The following GSE1 variants were observed in gnomAD, a reference collection of about 807,000 sequenced individuals.
GSE1 encodes the protein genetic suppressor element 1.
In GSE1, 32 loss-of-function variants were observed where a neutral mutation model predicts 112.6. The observed-to-expected ratio is 0.28, with a 90% CI of 0.21 to 0.38. The LOEUF (loss-of-function observed/expected upper bound fraction) is 0.38. GSE1 is among the 10% of genes least tolerant of loss of function. The pLI is 1.00. For synonymous variants in GSE1, 1,115 were observed against 735.6 expected (o/e 1.52, Z -8.35); for missense variants, 2,348 against 1,699.2 (o/e 1.38, Z -6.71).
upstream of GSE1, among the ~76,000 whole-genome samples, chr16:85,553,227 C>G (rs868528017): frequency 0.012 from 1,363 of 116,024 alleles, 8 homozygotes; most frequent in Middle Eastern, 0.019. Flanking sequence ...GGAGGCCCGG[C>G]GGGGCGCGCG....
intron 2 of GSE1, chr16:85,490,980 C>T (rs1567531993): frequency 6.6e-6 from 1 of 152,176 alleles, no homozygotes; most frequent in Non-Finnish European, 1.5e-5. Context: ...GGGAGCCTCC[C>T]CAACGCGGGG....
intron 1 of GSE1, among the ~76,000 whole-genome samples, chr16:85,329,460 G>A (rs2046294313): frequency 6.6e-6 from 1 of 152,032 alleles, no homozygotes; most frequent in Admixed American, 6.5e-5. Context: ...TATTAGCCGG[G>A]TGCCCTGCTG....
At chr16:85,204,377 C>T (rs1490351518) in intron 1 of GSE1, among the ~76,000 whole-genome samples, 1 of 152,176 alleles carries the variant, frequency 6.6e-6, no homozygotes, top group Non-Finnish European at 1.5e-5. Flanking sequence ...GGGTTGTTTC[C>T]ACCTTTTGGC....
chr16:85,374,717 C>T (rs928812074), intron 2 of GSE1, among the ~76,000 whole-genome samples: 2 of 152,126 alleles, frequency 1.3e-5, no homozygotes, highest in African/African-American at 2.4e-5. Flanking sequence ...CCAGTGGATG[C>T]GTTCGAGCTG....
Position 85,207,618 on chromosome 16 carries a change from CG to C in GSE1, c.2283+35814del, listed in dbSNP as rs912530463. Among the ~76,000 whole-genome samples the C allele has an allele frequency of 2.0e-4, 31 of 152,306 alleles. 1 individual carries two copies. Among genetic ancestry groups the C allele is most frequent in the African/African-American group, 7.5e-4 (31 of 41,572 alleles). On this transcript the variant is annotated intron_variant, in intron 1 of 2. Transcript: ENST00000637419. ...CCTGCAGGCGCTGGTGTGAGGAGCCCGGGCTGCAGAGCCAGATGAGGCTGGG... is the reference window on the plus strand; with the variant it reads ...CCTGCAGGCGCTGGTGTGAGGAGCCCGGCTGCAGAGCCAGATGAGGCTGGG...
At position 85,661,475 on chromosome 16, in the gene GSE1, G is replaced by C; in HGVS notation, c.1970G>C (p.Arg657Pro). Residue 657 changes from arginine (R) to proline (P), a missense_variant, in exon 9 of 16, where the codon CGA becomes CCA. Physicochemically the swap from Arg to Pro is moderately radical, Grantham distance 103 (BLOSUM62 -2). Coordinates refer to ENST00000253458, the MANE Select transcript of GSE1 (RefSeq NM_014615.5). ...TACCAGCCACCTCCGCCGCCACCAC[G>C]AGAGGGAGGGAGCCTGGAGCACCAG... ...DKYQPPPPPP[R>P]EGGSLEHQPF... 6.2e-7 allele frequency: 1 copy of C among 1,611,668 alleles called. No individual in the cohort carries two copies. The highest frequency in any genetic ancestry group is 8.5e-7 in the Non-Finnish European group (1 of 1,179,410).
rs150724276 is a variant in GSE1, at chr16:85,414,885, C to G, written c.2464+57242C>G. ...TCCTGACCTCAGGCGATCCACCTGC[C>G]TCGGCCTCCCAAAGTGCTGGGATCA... On this transcript the variant is annotated intron_variant, in intron 2 of 2. Transcript: ENST00000637419. 6.2e-3 allele frequency among the ~76,000 whole-genome samples: 948 copies of G among 152,334 alleles called. 13 individuals carry two copies. Among genetic ancestry groups the G allele is most frequent in the African/African-American group, 0.022 (913 of 41,576 alleles).
chr16:85,643,856 C>T (rs979898843), intron 2 of GSE1, among the ~76,000 whole-genome samples: 6 of 151,842 alleles, frequency 4.0e-5, no homozygotes, highest in Non-Finnish European at 8.8e-5. Flanking sequence ...AGCAGGAGCC[C>T]GGATCATGAG....
At chr16:85,642,868 TGGCCTGGTCAGGGCCTGTGGCTTTGG>T (rs1225101178) in intron 2 of GSE1, among the ~76,000 whole-genome samples, 3 of 152,136 alleles carry the variant, frequency 2.0e-5, no homozygotes, top group African/African-American at 7.2e-5. Flanking sequence ...TGCTCGCTGC[TGGCCTGGTCAGGGCCTGTGGCTTTGG>T]GGCCTGACCA....
At chr16:85,372,185 A>G (rs545599241) in intron 2 of GSE1, among the ~76,000 whole-genome samples, 1 of 152,236 alleles carries the variant, frequency 6.6e-6, no homozygotes, top group East Asian at 1.9e-4. Flanking sequence ...TGGAAGATGG[A>G]TTTGATTTCA....
At chr16:85,331,566 T>C (rs1319762091) in intron 1 of GSE1, among the ~76,000 whole-genome samples, 1 of 107,308 alleles carries the variant, frequency 9.3e-6, no homozygotes, top group African/African-American at 4.0e-5. Context: ...TGTATATGTG[T>C]ATATATGTGT....
chr16:85,627,402 A>G (rs941701505), intron 1 of GSE1, among the ~76,000 whole-genome samples: 5 of 151,798 alleles, frequency 3.3e-5, no homozygotes, highest in Non-Finnish European at 7.4e-5. Flanking sequence ...TGAGGCTCAC[A>G]TGAAGAAGGG....
intron 2 of GSE1, among the ~76,000 whole-genome samples, chr16:85,477,244 G>T (rs1223285094): frequency 2.0e-5 from 3 of 152,210 alleles, no homozygotes; most frequent in Admixed American, 6.5e-5. Context: ...ACCCCGGGGG[G>T]CACTGGGTGG....
intron 1 of GSE1, among the ~76,000 whole-genome samples, chr16:85,584,243 T>C (rs77911093): frequency 0.046 from 6,950 of 152,120 alleles, 209 homozygotes; most frequent in Non-Finnish European, 0.074. Context: ...CTGGCTCCCC[T>C]CTTTTTGGGC....
intron 2 of GSE1, among the ~76,000 whole-genome samples, chr16:85,517,197 C>T (rs1191202982): frequency 3.3e-5 from 5 of 151,832 alleles, no homozygotes; most frequent in African/African-American, 4.8e-5. Flanking sequence ...GCCTAGGGTT[C>T]GACAGCACAC....
At chr16:85,575,352 G>A (rs946116140) in intron 1 of GSE1, among the ~76,000 whole-genome samples, 2 of 152,108 alleles carry the variant, frequency 1.3e-5, no homozygotes, top group African/African-American at 4.8e-5. Flanking sequence ...TCTGCTATCC[G>A]GCATAAACAT....
At chr16:85,217,717 C>T (rs2075327128) in intron 1 of GSE1, among the ~76,000 whole-genome samples, 1 of 152,120 alleles carries the variant, frequency 6.6e-6, no homozygotes, top group African/African-American at 2.4e-5. Flanking sequence ...GCCTCAAAGC[C>T]GAACAGCCCA....
intron 2 of GSE1, among the ~76,000 whole-genome samples, chr16:85,477,389 T>G (rs1367924393): frequency 1.3e-5 from 2 of 152,078 alleles, no homozygotes; most frequent in Admixed American, 6.5e-5. Context: ...GAACCCTTCC[T>G]GTGTGTGCTG....
intron 2 of GSE1, among the ~76,000 whole-genome samples, chr16:85,464,436 C>T (rs1444353035): frequency 1.3e-5 from 2 of 152,204 alleles, no homozygotes; most frequent in Non-Finnish European, 2.9e-5. Flanking sequence ...TGTTTGATCA[C>T]GGCTCCCCTC....
Sources: gnomAD v4.1 joint callset for allele counts (sites outside exome capture counted in the v4.1 genomes callset) on GRCh38, gnomAD v4.1.1 for gene constraint, MANE v1.5 for transcripts, NCBI Gene and HGNC (gene_info 2026-07-23, HGNC 2026-07-21) for gene names.